Variants in ATP10D observed in about 807,000 individuals in gnomAD.
ATP10D encodes ATPase phospholipid transporting 10D (putative), also known as phospholipid-transporting ATPase VD.
In ATP10D, 89 loss-of-function variants were observed where a neutral mutation model predicts 144.8. The observed-to-expected ratio is 0.61, with a 90% CI of 0.52 to 0.73. The LOEUF (loss-of-function observed/expected upper bound fraction) is 0.73, where lower values mean the gene tolerates loss of function less well. Ranked by LOEUF, ATP10D falls within the 30% of genes least tolerant of loss-of-function variation. ATP10D has a pLI of 0.00. For missense variants in ATP10D, 1,603 were observed against 1,714.8 expected (o/e 0.93, Z 1.15); for synonymous variants, 571 against 615.1 (o/e 0.93, Z 1.06).
intron 18 of ATP10D, among the ~76,000 whole-genome samples, 159 bp downstream of exon 18, chr4:47,573,156 G>A (rs1164165682): frequency 6.6e-6 from 1 of 152,164 alleles, no homozygotes; most frequent in African/African-American, 2.4e-5. Flanking sequence ...ACTAAGCTGG[G>A]AATGTGCTAT....
In ATP10D at chr4:47,561,024, G is replaced by T. The variant is rs1318759213; in HGVS notation, c.2617G>T (p.Glu873Ter). ...TGAAACCAGCATTGACAACAGGGAA[G>T]AATTACTACTTGAATCTGCCATGAG... ...LAETSIDNREELLLESAMRLE... is the reference protein window; with the variant it reads ...LAETSIDNRE The change falls in exon 14 of 23, where the codon GAA (glutamate) becomes TAA (stop). Residue 873 changes from glutamate (E) to a stop codon, truncating the protein, a stop_gained. Transcript: ENST00000273859. LOFTEE classifies it high-confidence loss of function. 3 of 1,614,152 alleles carry T rather than the reference G, an allele frequency of 1.9e-6. No individual in the cohort carries two copies. The highest frequency in any genetic ancestry group is 2.5e-6 in the Non-Finnish European group (3 of 1,179,982).
intron 15 of ATP10D, among the ~76,000 whole-genome samples, chr4:47,564,365 CTG>C (rs1202794505): frequency 2.6e-5 from 4 of 151,740 alleles, no homozygotes; most frequent in Non-Finnish European, 5.9e-5. Context: ...CCCCTCCACA[CTG>C]GATTACCAGG....
At chr4:47,498,839 A>G (rs1394536019) in intron 1 of ATP10D, among the ~76,000 whole-genome samples, 1 of 152,194 alleles carries the variant, frequency 6.6e-6, no homozygotes, top group Non-Finnish European at 1.5e-5. Flanking sequence ...ATAATCTTGT[A>G]AAGATTCTGT....
At chr4:47,559,916 C>T (rs1719206481) in intron 13 of ATP10D, among the ~76,000 whole-genome samples, 1 of 152,162 alleles carries the variant, frequency 6.6e-6, no homozygotes, top group South Asian at 2.1e-4. Flanking sequence ...AGGAGAATTG[C>T]TTGAACCTGG....
intron 1 of ATP10D, among the ~76,000 whole-genome samples, chr4:47,488,757 A>G (rs536567835): frequency 2.3e-4 from 35 of 152,232 alleles, no homozygotes; most frequent in African/African-American, 6.0e-4. Context: ...TTGATTCCCA[A>G]TCCCCAGTGT....
At chr4:47,521,714 T>C (rs1716953959) in intron 3 of ATP10D, among the ~76,000 whole-genome samples, 1 of 152,154 alleles carries the variant, frequency 6.6e-6, no homozygotes, top group African/African-American at 2.4e-5. Context: ...CCTGCCTACC[T>C]TTTTTATCTT....
chr4:47,592,693 T>G lies in ATP10D; in HGVS notation c.*1312T>G, dbSNP rs535266278. On this transcript the variant is annotated 3_prime_UTR_variant, in exon 23 of 23. Coordinates refer to ENST00000273859, the MANE Select transcript of ATP10D (RefSeq NM_020453.4). ...AAGGTCTTCTTAATGACTATTATTCTCAGGGTTTAGTTTTCTACCTTCTGC... is the reference window on the plus strand; with the variant it reads ...AAGGTCTTCTTAATGACTATTATTCGCAGGGTTTAGTTTTCTACCTTCTGC... The G allele has an allele frequency of 2.6e-5, 4 of 152,688 alleles. No individual in the cohort carries two copies. In the East Asian group the frequency reaches 7.7e-4, roughly 29 times the overall value. 9.5% of individuals were successfully genotyped at this position (152,688 alleles called of 1,614,324 possible).
chr4:47,548,309 T>C (rs1718547211), intron 10 of ATP10D, among the ~76,000 whole-genome samples: 1 of 152,222 alleles, frequency 6.6e-6, no homozygotes, highest in Admixed American at 6.5e-5. Flanking sequence ...ATACTACCTC[T>C]ATCCATCAAA....
At chr4:47,501,726 G>T (rs1315465931) in intron 1 of ATP10D, among the ~76,000 whole-genome samples, 1 of 152,206 alleles carries the variant, frequency 6.6e-6, no homozygotes, top group Non-Finnish European at 1.5e-5. Context: ...ACTAAGTGGA[G>T]ATAATAATAT....
intron 21 of ATP10D, among the ~76,000 whole-genome samples, chr4:47,586,631 A>G (rs1436405324): frequency 1.3e-5 from 2 of 152,126 alleles, no homozygotes; most frequent in Non-Finnish European, 2.9e-5. Context: ...ACTGTCTAAC[A>G]CCTATTTGAA....
At chr4:47,579,209 A>T (rs1302000231) in intron 19 of ATP10D, among the ~76,000 whole-genome samples, 1 of 152,006 alleles carries the variant, frequency 6.6e-6, no homozygotes, top group East Asian at 1.9e-4. Flanking sequence ...ATTGTCTCTT[A>T]CTCTTTCTTT....
Position 47,512,783 on chromosome 4 carries a change from C to G in ATP10D, c.243C>G (p.Tyr81Ter). The G allele has an allele frequency of 6.2e-7, 1 of 1,610,962 alleles. No individual in the cohort carries two copies. Among genetic ancestry groups the G allele is most frequent in the South Asian group, 1.1e-5 (1 of 91,008 alleles). ...ACAATCGAATACGAACAACAAAGTA[C>G]ACACTTCTGAATTTTGTGCCAAGAA... ...YVNNRIRTTK[Y>*]TLLNFVPRNL... is the part of the protein sequence containing the mutation. Residue 81 changes from tyrosine to a stop codon, truncating the protein, a stop_gained, in exon 2 of 23, where the codon TAC becomes TAG. Transcript: ENST00000273859. LOFTEE classifies it high-confidence loss of function.
At chr4:47,529,486 C>T (rs1000355696) in intron 5 of ATP10D, among the ~76,000 whole-genome samples, 1 of 152,100 alleles carries the variant, frequency 6.6e-6, no homozygotes, top group Non-Finnish European at 1.5e-5. Context: ...CTATTCTTTT[C>T]CACTGATCTA....
intron 21 of ATP10D, 59 bp from the exon 22 acceptor site, chr4:47,586,960 G>A (rs1337998286): frequency 8.7e-6 from 13 of 1,499,620 alleles, no homozygotes; most frequent in African/African-American, 2.8e-5. Flanking sequence ...GATTTGTCCG[G>A]GTGGCAATAC....
Position 47,557,851 on chromosome 4 carries a change from C to G in ATP10D, c.2012C>G (p.Pro671Arg). The part of the protein sequence containing the change: ...PLFSRMKPAS[P>R]VEEEVSQVCE... ...TTTAGTCGAATGAAACCAGCTTCAC[C>G]TGTGGAGGAAGAGGTCTCCCAGGTG... is the stretch of plus-strand genomic sequence containing the variant. The change falls in exon 12 of 23, where the codon CCT becomes CGT. Residue 671 changes from proline to arginine, a missense_variant. Transcript: ENST00000273859. The G allele has an allele frequency of 1.2e-6, 2 of 1,614,204 alleles. No individual in the cohort carries two copies. The highest frequency in any genetic ancestry group is 1.7e-6 in the Non-Finnish European group (2 of 1,180,038).
intron 1 of ATP10D, among the ~76,000 whole-genome samples, chr4:47,488,221 T>A (rs753605157): frequency 1.8e-4 from 28 of 152,258 alleles, no homozygotes; most frequent in Non-Finnish European, 2.8e-4. Context: ...ATTTAATGAC[T>A]TGGAAATATA....
chr4:47,522,955 T>C, intron 3 of ATP10D, 57 bp from the exon 4 acceptor site: 5 of 1,369,566 alleles, frequency 3.7e-6, no homozygotes, highest in Non-Finnish European at 4.0e-6. Context: ...AAAAAAAACA[T>C]TGTATGTATT....
chr4:47,570,602 G>A (rs1160397148), intron 16 of ATP10D, among the ~76,000 whole-genome samples: 6 of 152,002 alleles, frequency 3.9e-5, no homozygotes, highest in Non-Finnish European at 5.9e-5. Context: ...TCAGGAGTTC[G>A]AGATCAGCCT....
chr4:47,538,294 A>T (rs1717952581), intron 9 of ATP10D, among the ~76,000 whole-genome samples: 1 of 152,066 alleles, frequency 6.6e-6, no homozygotes, highest in South Asian at 2.1e-4. Context: ...GAGAGCTTTT[A>T]TGTAAGGTCA....
Sources: allele counts gnomAD v4.1 joint callset (sites outside exome capture counted in the v4.1 genomes callset), GRCh38; gene constraint gnomAD v4.1.1; transcripts MANE v1.5; gene names NCBI Gene and HGNC (gene_info 2026-07-23, HGNC 2026-07-21).